The following KLHL32 variants were observed in gnomAD, a reference collection of about 807,000 sequenced individuals.
KLHL32 encodes the protein kelch-like protein 32.
A neutral mutation model predicts 64.8 loss-of-function variants in KLHL32; 35 were observed. The observed-to-expected ratio is 0.54, with a 90% CI of 0.41 to 0.72. The LOEUF (loss-of-function observed/expected upper bound fraction) is 0.72. Ranked by LOEUF, KLHL32 falls within the 30% of genes least tolerant of loss-of-function variation. The pLI is 0.00. For synonymous variants in KLHL32, 259 were observed against 281.0 expected (o/e 0.92, Z 0.78); for missense variants, 589 against 768.5 (o/e 0.77, Z 2.76).
chr6:96,976,515 C>G lies in KLHL32; in HGVS notation c.204+338C>G, dbSNP rs572570495. 2.6e-5 allele frequency among the ~76,000 whole-genome samples: 4 copies of G among 152,258 alleles called. No homozygotes were observed. In the South Asian group the frequency reaches 8.3e-4, roughly 32 times the overall value. ...TGCTTCTGGATTCAGGATCAAAGACCAAGCTATAAGACAATTTGTTAAAAT... is the reference window on the plus strand; with the variant it reads ...TGCTTCTGGATTCAGGATCAAAGACGAAGCTATAAGACAATTTGTTAAAAT... On this transcript the variant is annotated intron_variant, in intron 3 of 10. Coordinates refer to ENST00000369261, the MANE Select transcript of KLHL32 (RefSeq NM_052904.4).
chr6:96,985,920 C>G (rs1445091849), intron 3 of KLHL32, among the ~76,000 whole-genome samples: 1 of 152,182 alleles, frequency 6.6e-6, no homozygotes, highest in South Asian at 2.1e-4. Context: ...TGGTGAGGAG[C>G]TGTGTCCTTT....
chr6:97,049,425 G>A (rs1445708620), intron 4 of KLHL32, among the ~76,000 whole-genome samples: 6 of 152,150 alleles, frequency 3.9e-5, no homozygotes, highest in Non-Finnish European at 7.3e-5. Flanking sequence ...GTCTTGGTAG[G>A]ACAGAGTGGG....
chr6:96,966,142 A>G (rs1274199022), intron 1 of KLHL32, among the ~76,000 whole-genome samples: 1 of 152,178 alleles, frequency 6.6e-6, no homozygotes, highest in Non-Finnish European at 1.5e-5. Flanking sequence ...TTGCTTTCCA[A>G]AATAAAATTG....
intron 3 of KLHL32, among the ~76,000 whole-genome samples, chr6:97,003,619 T>G (rs1779312973): frequency 6.6e-6 from 1 of 152,134 alleles, no homozygotes; most frequent in Non-Finnish European, 1.5e-5. Context: ...ATTTTTAGAG[T>G]TTTAGGTTTT....
intron 1 of KLHL32, among the ~76,000 whole-genome samples, chr6:96,929,719 A>C (rs1318269981): frequency 1.3e-5 from 2 of 152,162 alleles, no homozygotes; most frequent in East Asian, 3.8e-4. Flanking sequence ...CAATGCATTA[A>C]TGTATTTAAT....
chr6:96,948,826 C>A (rs1393500765), intron 1 of KLHL32, among the ~76,000 whole-genome samples: 2 of 152,108 alleles, frequency 1.3e-5, no homozygotes, highest in East Asian at 3.9e-4. Context: ...CGAGCTCACC[C>A]AAGCCTATTG....
At chr6:96,919,057 A>C in the KLHL32 span, among the ~76,000 whole-genome samples, 1 of 152,110 alleles carries the variant, frequency 6.6e-6, no homozygotes, top group Non-Finnish European at 1.5e-5. Context: ...GTCTCAGCAC[A>C]GTGAGAGATT....
chr6:97,024,018 C>A (rs1044756530), intron 3 of KLHL32, among the ~76,000 whole-genome samples: 1 of 152,120 alleles, frequency 6.6e-6, no homozygotes, highest in Non-Finnish European at 1.5e-5. Flanking sequence ...AATTTGTCAC[C>A]TAAATCATAT....
intron 5 of KLHL32, among the ~76,000 whole-genome samples, chr6:97,074,073 G>T (rs1256983545): frequency 6.6e-6 from 1 of 152,200 alleles, no homozygotes; most frequent in Admixed American, 6.5e-5. Context: ...AAGGCCTCGG[G>T]TCACACAGTT....
At chr6:97,103,792 T>C (rs1796064354) in intron 6 of KLHL32, among the ~76,000 whole-genome samples, 1 of 152,174 alleles carries the variant, frequency 6.6e-6, no homozygotes, top group African/African-American at 2.4e-5. Flanking sequence ...CTTGTTTTTC[T>C]GAAAAGAGAT....
chr6:97,008,410 C>T (rs1422508373), intron 3 of KLHL32, among the ~76,000 whole-genome samples: 1 of 152,074 alleles, frequency 6.6e-6, no homozygotes, highest in Non-Finnish European at 1.5e-5. Flanking sequence ...TCAGACTAGC[C>T]CCATCTCACA....
chr6:97,036,626 T>C (rs1370639304), intron 3 of KLHL32, among the ~76,000 whole-genome samples: 1 of 152,192 alleles, frequency 6.6e-6, no homozygotes, highest in Non-Finnish European at 1.5e-5. Context: ...GTGGTAGTTC[T>C]GGGTCCAGTG....
chr6:96,967,189 G>GTTGTGT, intron 2 of KLHL32, 106 bp downstream of exon 2: 1 of 959,772 alleles, frequency 1.0e-6, no homozygotes. Context: ...CATATTTGAA[G>GTTGTGT]GAATCATCAA....
chr6:96,918,407 T>C, the KLHL32 span, among the ~76,000 whole-genome samples: 1 of 152,206 alleles, frequency 6.6e-6, no homozygotes, highest in Non-Finnish European at 1.5e-5. Flanking sequence ...TTGGGAAACA[T>C]TAGTTAAATT....
chr6:96,924,045 C>T (rs1768859168), upstream of KLHL32, among the ~76,000 whole-genome samples: 1 of 152,188 alleles, frequency 6.6e-6, no homozygotes, highest in South Asian at 2.1e-4. Flanking sequence ...TAATCACACC[C>T]TTTCTCATTT....
intron 10 of KLHL32, among the ~76,000 whole-genome samples, chr6:97,135,424 G>C (rs1330841777): frequency 6.8e-6 from 1 of 147,740 alleles, no homozygotes; most frequent in Non-Finnish European, 1.5e-5. Flanking sequence ...TCCTGCCTCA[G>C]CCTCCTGAGT....
intron 5 of KLHL32, among the ~76,000 whole-genome samples, chr6:97,079,648 A>G: frequency 6.6e-6 from 1 of 152,196 alleles, no homozygotes; most frequent in East Asian, 1.9e-4. Flanking sequence ...TGTGGTATTG[A>G]GGACACATTT....
intron 9 of KLHL32, among the ~76,000 whole-genome samples, chr6:97,132,023 T>A (rs1174728302): frequency 6.6e-6 from 1 of 152,166 alleles, no homozygotes; most frequent in African/African-American, 2.4e-5. Context: ...AGTTATTCTG[T>A]CTTCTTTTTG....
chr6:97,138,189 T>A (rs1277707855), intron 10 of KLHL32, among the ~76,000 whole-genome samples: 1 of 152,210 alleles, frequency 6.6e-6, no homozygotes, highest in Non-Finnish European at 1.5e-5. Context: ...GCTTCAAAGA[T>A]TCAGCCAGGT....
Sources: gnomAD v4.1 joint callset for allele counts (sites outside exome capture counted in the v4.1 genomes callset) on GRCh38, gnomAD v4.1.1 for gene constraint, MANE v1.5 for transcripts, NCBI Gene and HGNC (gene_info 2026-07-23, HGNC 2026-07-21) for gene names.